Variants in PRKCB observed in about 807,000 individuals in gnomAD.
PRKCB encodes protein kinase C beta type.
PRKCB carries 13 observed loss-of-function variants against 81.5 expected under a neutral mutation model. The ratio of observed to expected loss-of-function variants is 0.16; its 90% CI spans 0.10 to 0.25. The LOEUF (loss-of-function observed/expected upper bound fraction) is 0.25. Ranked by LOEUF, PRKCB falls within the 10% of genes least tolerant of loss-of-function variation. The pLI, the probability that PRKCB is intolerant of heterozygous loss-of-function variation, is 1.00. For synonymous variants in PRKCB, 335 were observed against 321.4 expected, an observed-to-expected ratio of 1.04 and a Z score of -0.45; for missense variants, 509 against 875.7, an observed-to-expected ratio of 0.58 and a Z score of 5.29.
intron 2 of PRKCB, among the ~76,000 whole-genome samples, chr16:23,888,235 C>T (rs1314344745): frequency 6.6e-6 from 1 of 152,206 alleles, no homozygotes; most frequent in Non-Finnish European, 1.5e-5. Context: ...AGGACAGATG[C>T]TGATACCAAG....
intron 2 of PRKCB, among the ~76,000 whole-genome samples, chr16:23,944,500 T>G (rs1296328332): frequency 6.6e-6 from 1 of 152,222 alleles, no homozygotes; most frequent in Non-Finnish European, 1.5e-5. Flanking sequence ...TTTTAGCCCC[T>G]CTGGGAAAGC....
Position 24,216,859 on chromosome 16 carries a change from A to T in PRKCB, c.*2043A>T. The T allele has an allele frequency of 1.0e-6, 1 of 985,478 alleles. No homozygotes were observed. Among genetic ancestry groups the T allele is most frequent in the East Asian group, 1.1e-4 (1 of 8,802 alleles). The allele number at this position is 985,478 out of a possible 1,614,324, so 61.0% of individuals were successfully genotyped here. On this transcript the variant is annotated 3_prime_UTR_variant, in exon 17 of 17. Coordinates refer to ENST00000643927, the MANE Select transcript of PRKCB (RefSeq NM_002738.7). ...ATTTGCCCAAAGTCAGTCAGCTGGG[A>T]TAAAAACCTGGGTGTCCTGTCCAGA...
intron 8 of PRKCB, among the ~76,000 whole-genome samples, chr16:24,114,476 G>A (rs1474163752): frequency 2.0e-5 from 3 of 151,884 alleles, no homozygotes. Flanking sequence ...AAAGCCCTTG[G>A]CTGTGACCTT....
chr16:23,894,828 C>G (rs1963350818), intron 2 of PRKCB, among the ~76,000 whole-genome samples: 2 of 152,068 alleles, frequency 1.3e-5, no homozygotes, highest in Admixed American at 6.6e-5. Flanking sequence ...ACATTTAGGA[C>G]CTTTGAGTCT....
chr16:24,109,479 G>A lies in PRKCB; in HGVS notation c.822-3494G>A, dbSNP rs1966642072. Among the ~76,000 whole-genome samples, 3 of 110,578 alleles carry A rather than the reference G, an allele frequency of 2.7e-5. No individual in the cohort carries two copies. In the South Asian group the frequency reaches 9.3e-4, roughly 34 times the overall value. The allele number at this position is 110,578 out of a possible 152,430, so 72.5% of individuals were successfully genotyped here. A position where few individuals can be genotyped will look rare whatever the true frequency, so the allele number is the denominator to read the frequency against. On this transcript the variant is annotated intron_variant, in intron 7 of 16. Transcript: ENST00000643927. ...CTCACATCCCAGACGGGGCGGCGGGGCAGAGGCGCTCCCCACATCTCAGAC... is the reference window on the plus strand; with the variant it reads ...CTCACATCCCAGACGGGGCGGCGGGACAGAGGCGCTCCCCACATCTCAGAC...
intron 13 of PRKCB, among the ~76,000 whole-genome samples, chr16:24,181,771 C>CAAAAAAAAAAAAAAAAAAAAAAAAAAAA (rs71154286): frequency 2.0e-4 from 5 of 24,566 alleles, no homozygotes; most frequent in Non-Finnish European, 2.6e-4. Context: ...GACCCTGTCT[C>CAAAAAAAAAAAAAAAAAAAAAAAAAAAA]AAAAAAAAAA....
chr16:24,067,861 G>A (rs1966056056), intron 5 of PRKCB, among the ~76,000 whole-genome samples: 2 of 152,058 alleles, frequency 1.3e-5, no homozygotes, highest in East Asian at 3.9e-4. Flanking sequence ...CAGCTACTGG[G>A]GAGGCTGAGG....
Position 24,215,624 on chromosome 16 carries a change from G to C in PRKCB, c.*808G>C. On this transcript the variant is annotated 3_prime_UTR_variant, in exon 17 of 17. Coordinates refer to ENST00000643927, the MANE Select transcript of PRKCB (RefSeq NM_002738.7). ...TTATTTGCTTTGGGGTTTTGTTTCTGTTGTTGTTCAAATGCAAAAAAAAGA... is the reference window on the plus strand; with the variant it reads ...TTATTTGCTTTGGGGTTTTGTTTCTCTTGTTGTTCAAATGCAAAAAAAAGA... 1.0e-6 allele frequency: 1 copy of C among 983,930 alleles called. No individual in the cohort carries two copies. Among genetic ancestry groups the C allele is most frequent in the Non-Finnish European group, 1.2e-6 (1 of 829,458 alleles). 60.9% of individuals were successfully genotyped at this position (983,930 alleles called of 1,614,324 possible). A position where few individuals can be genotyped will look rare whatever the true frequency, so the allele number is the denominator to read the frequency against.
chr16:24,213,097 C>T (rs866734980), intron 16 of PRKCB, among the ~76,000 whole-genome samples: 9 of 151,844 alleles, frequency 5.9e-5, no homozygotes, highest in African/African-American at 1.9e-4. Flanking sequence ...TGCAGTGGCG[C>T]GATCTCAGCC....
intron 2 of PRKCB, among the ~76,000 whole-genome samples, chr16:23,958,807 C>T (rs967692341): frequency 2.7e-5 from 4 of 150,528 alleles, no homozygotes; most frequent in African/African-American, 9.8e-5. Context: ...TACCTCCTTA[C>T]CAATGCCTAC....
At chr16:24,033,047 A>T (rs1965568674) in intron 4 of PRKCB, among the ~76,000 whole-genome samples, 1 of 151,912 alleles carries the variant, frequency 6.6e-6, no homozygotes, top group African/African-American at 2.4e-5. Flanking sequence ...GTGGGGTAGG[A>T]CTCCTCTTTA....
chr16:23,839,055 C>A (rs78866442), intron 2 of PRKCB, among the ~76,000 whole-genome samples: 1,873 of 152,246 alleles, frequency 0.012, 35 homozygotes, highest in African/African-American at 0.04. Context: ...TTGCTGAGAT[C>A]GGGGGCGATT....
chr16:23,870,301 A>T (rs1962883061), intron 2 of PRKCB, among the ~76,000 whole-genome samples: 1 of 152,196 alleles, frequency 6.6e-6, no homozygotes, highest in Non-Finnish European at 1.5e-5. Context: ...GATATCACCA[A>T]TGAGTGATAT....
intron 7 of PRKCB, among the ~76,000 whole-genome samples, chr16:24,105,442 T>C (rs1966562658): frequency 6.6e-6 from 1 of 152,132 alleles, no homozygotes. Context: ...GGTATACATA[T>C]GCCAGGTGGT....
intron 2 of PRKCB, among the ~76,000 whole-genome samples, chr16:23,910,600 G>C (rs1251262808): frequency 1.3e-5 from 2 of 152,140 alleles, no homozygotes; most frequent in African/African-American, 4.8e-5. Context: ...GGGAAACTTA[G>C]AGTTATATTC....
At chr16:24,170,954 AT>A (rs1028610742) in intron 10 of PRKCB, among the ~76,000 whole-genome samples, 2 of 151,744 alleles carry the variant, frequency 1.3e-5, no homozygotes, top group Non-Finnish European at 2.9e-5. Flanking sequence ...TAGGACACAG[AT>A]TTTTTTTTGT....
At chr16:23,896,269 C>A (rs1440593032) in intron 2 of PRKCB, among the ~76,000 whole-genome samples, 1 of 152,168 alleles carries the variant, frequency 6.6e-6, no homozygotes, top group Admixed American at 6.5e-5. Context: ...ATGTGACTCT[C>A]AAACTTACTT....
At chr16:24,105,443 G>A (rs1966562713) in intron 7 of PRKCB, among the ~76,000 whole-genome samples, 1 of 151,810 alleles carries the variant, frequency 6.6e-6, no homozygotes, top group Admixed American at 6.6e-5. Flanking sequence ...GTATACATAT[G>A]CCAGGTGGTT....
At chr16:24,036,985 G>A (rs1215498629) in intron 5 of PRKCB, among the ~76,000 whole-genome samples, 1 of 152,150 alleles carries the variant, frequency 6.6e-6, no homozygotes, top group Non-Finnish European at 1.5e-5. Context: ...ACAACATTGT[G>A]AAATCTCTAT....
Sources: gnomAD v4.1 joint callset for allele counts (sites outside exome capture counted in the v4.1 genomes callset) on GRCh38, gnomAD v4.1.1 for gene constraint, MANE v1.5 for transcripts, NCBI Gene and HGNC (gene_info 2026-07-23, HGNC 2026-07-21) for gene names.